The following CDH4 variants were observed in gnomAD, a reference collection of about 807,000 sequenced individuals.
CDH4 encodes the protein cadherin-4.
Under a neutral mutation model 86.0 loss-of-function variants are expected in CDH4, and 33 were observed. The ratio of observed to expected loss-of-function variants is 0.38; its 90% CI spans 0.29 to 0.51. The LOEUF is 0.51. Among genes scored for constraint, CDH4 ranks in the 20% least tolerant of loss-of-function variants. CDH4 has a pLI of 0.86. For synonymous variants in CDH4, 555 were observed against 549.4 expected (o/e 1.01, Z -0.14); for missense variants, 1,114 against 1,307.4 (o/e 0.85, Z 2.28).
At chr20:61,929,355 CG>C (rs2055080443) in intron 12 of CDH4, among the ~76,000 whole-genome samples, 1 of 152,146 alleles carries the variant, frequency 6.6e-6, no homozygotes, top group East Asian at 1.9e-4. Context: ...CCAGGCTGGT[CG>C]TGAACTCCTG....
rs1049790925 is a variant in CDH4 at position 61,392,386 on chromosome 20, C to T, written c.169+137449C>T. 1.3e-5 allele frequency among the ~76,000 whole-genome samples: 2 copies of T among 152,062 alleles called. No individual in the cohort carries two copies. Among genetic ancestry groups the T allele is most frequent in the East Asian group, 1.9e-4 (1 of 5,182 alleles). ...CTGCTCAGTATGCATGATCACAGGG[C>T]GCCACCGGGATGGAACGCACGGCGC... On this transcript the variant is annotated intron_variant, in intron 2 of 15. Transcript: ENST00000614565. The surrounding 1 kb of genome is among the most constrained non-coding windows in gnomAD (Gnocchi z 5.7).
At chr20:61,508,126 T>C (rs962835924) in intron 2 of CDH4, among the ~76,000 whole-genome samples, 1 of 152,198 alleles carries the variant, frequency 6.6e-6, no homozygotes, top group Admixed American at 6.5e-5. Context: ...CCCGTGTCCC[T>C]AAAAATGTGT....
intron 2 of CDH4, among the ~76,000 whole-genome samples, chr20:61,482,060 T>A (rs868143778): frequency 6.6e-6 from 1 of 152,214 alleles, no homozygotes; most frequent in Non-Finnish European, 1.5e-5. Flanking sequence ...ATGGGCCCTG[T>A]TGCTATTGAG....
intron 15 of CDH4, 43 bp downstream of exon 15, chr20:61,934,263 C>G: frequency 6.7e-7 from 1 of 1,495,632 alleles, no homozygotes; most frequent in East Asian, 2.5e-5. Context: ...AAGGTGTCTC[C>G]TCTAAAAATT....
intron 11 of CDH4, among the ~76,000 whole-genome samples, chr20:61,927,983 G>C (rs2055063242): frequency 6.6e-6 from 1 of 152,246 alleles, no homozygotes; most frequent in South Asian, 2.1e-4. Flanking sequence ...CGTGTGGCAG[G>C]GTGTCGGTCA....
chr20:61,812,014 G>A (rs1453702825), intron 4 of CDH4, among the ~76,000 whole-genome samples: 1 of 152,020 alleles, frequency 6.6e-6, no homozygotes. Context: ...TGGGTTTGAG[G>A]CCCTGTGTGG....
chr20:61,787,977 TTGG>T (rs1259084023), intron 4 of CDH4, among the ~76,000 whole-genome samples: 4 of 152,182 alleles, frequency 2.6e-5, no homozygotes, highest in African/African-American at 9.7e-5. Flanking sequence ...TGGGAGGGAC[TTGG>T]TGGTTGATTC....
intron 4 of CDH4, among the ~76,000 whole-genome samples, chr20:61,830,082 A>ACCCC (rs1981523864): frequency 1.1e-5 from 1 of 94,474 alleles, no homozygotes; most frequent in African/African-American, 4.1e-5. Flanking sequence ...CTGCCCCCCA[A>ACCCC]CCCCACTCCC....
At chr20:61,760,904 T>C (rs1383546427) in intron 3 of CDH4, among the ~76,000 whole-genome samples, 2 of 152,344 alleles carry the variant, frequency 1.3e-5, no homozygotes, top group South Asian at 2.1e-4. Context: ...AATGCTGACT[T>C]ACAATGGCTC....
chr20:61,730,192 C>G (rs141126336), intron 2 of CDH4, among the ~76,000 whole-genome samples: 1 of 152,290 alleles, frequency 6.6e-6, no homozygotes, highest in East Asian at 1.9e-4. Context: ...AGGGCTCTGT[C>G]TTGGTGTGGC....
chr20:61,682,348 AGATGAATG>A (rs373030938), intron 2 of CDH4, among the ~76,000 whole-genome samples: 3,366 of 146,396 alleles, frequency 0.023, 72 homozygotes, highest in Middle Eastern at 0.072. Flanking sequence ...AGGGAGAGAT[AGATGAATG>A]GATGGATGGA....
chr20:61,835,402 A>G (rs1250006765), intron 4 of CDH4, among the ~76,000 whole-genome samples: 4 of 152,208 alleles, frequency 2.6e-5, no homozygotes, highest in Admixed American at 6.5e-5. Flanking sequence ...GGCCATGACA[A>G]GGGCTAGGAT....
chr20:61,458,836 C>T (rs569490576), intron 2 of CDH4, among the ~76,000 whole-genome samples: 14 of 152,038 alleles, frequency 9.2e-5, no homozygotes, highest in Non-Finnish European at 1.3e-4. Flanking sequence ...GTCAGTGGAA[C>T]GATCCCTCAG....
At chr20:61,405,794 C>T (rs1192795075) in intron 2 of CDH4, among the ~76,000 whole-genome samples, 3 of 151,758 alleles carry the variant, frequency 2.0e-5, no homozygotes, top group South Asian at 2.1e-4. Context: ...CCCTGGTTCA[C>T]GCCATTCTCC....
chr20:61,863,902 T>C (rs1008391581), intron 6 of CDH4, among the ~76,000 whole-genome samples: 1 of 152,210 alleles, frequency 6.6e-6, no homozygotes, highest in Admixed American at 6.5e-5. Context: ...CTTACCAGCA[T>C]GGGTTTCCAG....
chr20:61,554,525 G>A (rs753907963), intron 2 of CDH4, among the ~76,000 whole-genome samples: 5 of 152,230 alleles, frequency 3.3e-5, no homozygotes, highest in East Asian at 1.9e-4. Context: ...GCCTTTCCCC[G>A]TGGGGCTCAG....
intron 2 of CDH4, among the ~76,000 whole-genome samples, chr20:61,369,061 C>T (rs1220699781): frequency 1.3e-5 from 2 of 152,066 alleles, no homozygotes; most frequent in Non-Finnish European, 2.9e-5. Flanking sequence ...GTCAAAAATG[C>T]CATTTTCATG....
intron 4 of CDH4, among the ~76,000 whole-genome samples, chr20:61,821,431 A>G: frequency 9.4e-6 from 1 of 106,452 alleles, no homozygotes; most frequent in African/African-American, 3.7e-5. Context: ...CTCACTCCCT[A>G]CACAGCCCCC....
chr20:61,874,463 G>A (rs1253337749), intron 7 of CDH4, among the ~76,000 whole-genome samples: 1 of 152,204 alleles, frequency 6.6e-6, no homozygotes, highest in East Asian at 1.9e-4. Flanking sequence ...GTCCTACGAG[G>A]CTTTTGTGAC....
Sources: gnomAD v4.1 joint callset for allele counts (sites outside exome capture counted in the v4.1 genomes callset) on GRCh38, gnomAD v4.1.1 for gene constraint, Gnocchi (gnomAD v3.1) non-coding constraint, MANE v1.5 for transcripts, NCBI Gene and HGNC (gene_info 2026-07-23, HGNC 2026-07-21) for gene names.